Variants in CNTNAP2 observed in about 807,000 individuals in gnomAD.
CNTNAP2 encodes the protein contactin associated protein 2.
Under a neutral mutation model 155.2 loss-of-function variants are expected in CNTNAP2, and 98 were observed. The ratio of observed to expected loss-of-function variants is 0.63; its 90% CI spans 0.54 to 0.75. CNTNAP2 has a LOEUF of 0.75. CNTNAP2 is among the 30% of genes least tolerant of loss of function. The probability of loss-of-function intolerance (pLI) is 0.00; values close to 1 mark genes in which losing one functional copy is unlikely to be tolerated. For synonymous variants in CNTNAP2, 651 were observed against 631.2 expected, an observed-to-expected ratio of 1.03 and a Z score of -0.47; for missense variants, 1,727 against 1,688.1, an observed-to-expected ratio of 1.02 and a Z score of -0.40.
At chr7:146,655,249 C>A (rs1799976446) in intron 1 of CNTNAP2, among the ~76,000 whole-genome samples, 1 of 151,572 alleles carries the variant, frequency 6.6e-6, no homozygotes, top group Admixed American at 6.6e-5. Context: ...CCTGTCTCTA[C>A]TAAAAATACA....
intron 9 of CNTNAP2, among the ~76,000 whole-genome samples, chr7:147,319,611 T>C (rs1795307506): frequency 6.6e-6 from 1 of 152,078 alleles, no homozygotes; most frequent in South Asian, 2.1e-4. Flanking sequence ...CTCCTGAGCT[T>C]AGGTAATTTG....
intron 8 of CNTNAP2, among the ~76,000 whole-genome samples, chr7:147,239,442 G>A (rs188807832): frequency 3.8e-4 from 58 of 151,492 alleles, no homozygotes; most frequent in Admixed American, 3.5e-3. Flanking sequence ...CCCAGGAGAC[G>A]GGGGTTGCAG....
chr7:147,063,438 G>T (rs112304938), intron 4 of CNTNAP2, among the ~76,000 whole-genome samples: 3 of 152,100 alleles, frequency 2.0e-5, no homozygotes, highest in East Asian at 3.9e-4. Context: ...ACACACTTGG[G>T]TTCCTTTCCA....
chr7:146,973,283 C>A (rs1322551882), intron 3 of CNTNAP2, among the ~76,000 whole-genome samples: 2 of 152,160 alleles, frequency 1.3e-5, no homozygotes, highest in East Asian at 3.9e-4. Context: ...CCGCCTCAGC[C>A]TCCCAAAGTG....
At chr7:147,911,753 G>T (rs112214747) in intron 14 of CNTNAP2, among the ~76,000 whole-genome samples, 5 of 152,180 alleles carry the variant, frequency 3.3e-5, no homozygotes, top group African/African-American at 1.2e-4. Context: ...ATGTCCTTAA[G>T]TTTTGCCTAT....
intron 3 of CNTNAP2, among the ~76,000 whole-genome samples, chr7:146,912,519 A>G (rs1402587694): frequency 6.6e-6 from 1 of 152,132 alleles, no homozygotes. Flanking sequence ...AATGTTTTAA[A>G]TTAATCTTTT....
chr7:147,220,678 T>C (rs1246067789), intron 8 of CNTNAP2, among the ~76,000 whole-genome samples: 1 of 152,176 alleles, frequency 6.6e-6, no homozygotes, highest in Non-Finnish European at 1.5e-5. Context: ...TGATTACGTG[T>C]TCTCTCCTCA....
intron 16 of CNTNAP2, among the ~76,000 whole-genome samples, chr7:148,126,623 G>C (rs563494742): frequency 1.3e-5 from 2 of 152,232 alleles, no homozygotes; most frequent in African/African-American, 4.8e-5. Flanking sequence ...GGCCAGAGTA[G>C]TGTTGGTTGG....
intron 18 of CNTNAP2, among the ~76,000 whole-genome samples, chr7:148,175,211 A>C (rs1048363377): frequency 6.6e-6 from 1 of 152,144 alleles, no homozygotes; most frequent in Non-Finnish European, 1.5e-5. Flanking sequence ...TGCTGCAATA[A>C]ACATACATGT....
chr7:147,950,425 C>G (rs1163183147), intron 14 of CNTNAP2, among the ~76,000 whole-genome samples: 2 of 128,822 alleles, frequency 1.6e-5, no homozygotes, highest in African/African-American at 6.0e-5. Flanking sequence ...GTGCTTATCA[C>G]AAGTGCTGGA....
intron 15 of CNTNAP2, among the ~76,000 whole-genome samples, chr7:148,053,902 G>A (rs1319767938): frequency 6.6e-6 from 1 of 151,746 alleles, no homozygotes; most frequent in Non-Finnish European, 1.5e-5. Flanking sequence ...GTTGCAGCAG[G>A]CTGAGATAAT....
intron 5 of CNTNAP2, among the ~76,000 whole-genome samples, chr7:147,110,084 C>G (rs1325408913): frequency 6.6e-6 from 1 of 151,930 alleles, no homozygotes; most frequent in Non-Finnish European, 1.5e-5. Context: ...ACCACCATGC[C>G]CGGTTAATTT....
Position 147,449,896 on chromosome 7 carries a change from C to T in CNTNAP2, c.1671-36039C>T, listed in dbSNP as rs116799458. Among the ~76,000 whole-genome samples, 1,486 of 152,290 alleles carry T rather than the reference C, an allele frequency of 9.8e-3. 29 individuals carry two copies. The highest frequency in any genetic ancestry group is 0.033 in the African/African-American group (1,383 of 41,548). On this transcript the variant is annotated intron_variant, in intron 10 of 23. Transcript: ENST00000361727. ...CAATATTCAATTTGTCAGCCAATCA[C>T]ATTAACTCTATGTCCAATTGATTTC...
At chr7:147,951,244 G>C (rs565434110) in intron 14 of CNTNAP2, among the ~76,000 whole-genome samples, 1 of 152,294 alleles carries the variant, frequency 6.6e-6, no homozygotes, top group Non-Finnish European at 1.5e-5. Context: ...ATTTAAACAG[G>C]TTCCTAAAGA....
chr7:148,025,105 G>A (rs1802352553), intron 15 of CNTNAP2, among the ~76,000 whole-genome samples: 1 of 152,132 alleles, frequency 6.6e-6, no homozygotes, highest in African/African-American at 2.4e-5. Context: ...ATTATGGGAG[G>A]GGCCTGAATT....
chr7:146,383,872 G>T (rs531274364), intron 1 of CNTNAP2, among the ~76,000 whole-genome samples: 2 of 152,246 alleles, frequency 1.3e-5, no homozygotes, highest in Non-Finnish European at 1.5e-5. Context: ...AGTATCTCTG[G>T]CTTTTTTATG....
chr7:148,075,359 C>T (rs1803465279), intron 15 of CNTNAP2, among the ~76,000 whole-genome samples: 1 of 152,088 alleles, frequency 6.6e-6, no homozygotes, highest in Non-Finnish European at 1.5e-5. Flanking sequence ...ATCGCTTGAA[C>T]CCGGGAGACA....
At chr7:148,276,476 G>T (rs538856326) in intron 21 of CNTNAP2, among the ~76,000 whole-genome samples, 94 of 152,314 alleles carry the variant, frequency 6.2e-4, no homozygotes, top group African/African-American at 2.2e-3. Context: ...GATGAGGGCT[G>T]CTTCCTGCGG....
intron 1 of CNTNAP2, among the ~76,000 whole-genome samples, chr7:146,222,736 A>G (rs1307693457): frequency 6.6e-6 from 1 of 151,422 alleles, no homozygotes; most frequent in African/African-American, 2.4e-5. Context: ...GCTCAATGCA[A>G]GCTCTGCCTC....
Sources: gnomAD v4.1 joint callset for allele counts (sites outside exome capture counted in the v4.1 genomes callset) on GRCh38, gnomAD v4.1.1 for gene constraint, MANE v1.5 for transcripts, NCBI Gene and HGNC (gene_info 2026-07-23, HGNC 2026-07-21) for gene names.